The following RSPH10B2 variants were observed in gnomAD, a reference collection of about 807,000 sequenced individuals.
The protein encoded by RSPH10B2 is radial spoke head 10 homolog B2.
Under a neutral mutation model 49.0 loss-of-function variants are expected in RSPH10B2, and 9 were observed. The observed-to-expected ratio is 0.18, with a 90% CI of 0.11 to 0.32. The LOEUF (loss-of-function observed/expected upper bound fraction) is 0.32. Ranked by LOEUF, RSPH10B2 falls within the 10% of genes least tolerant of loss-of-function variation. The pLI, the probability that RSPH10B2 is intolerant of heterozygous loss-of-function variation, is 1.00. For synonymous variants in RSPH10B2, 35 were observed against 210.2 expected (o/e 0.17, Z 7.21); for missense variants, 95 against 589.9 (o/e 0.16, Z 8.69).
At chr7:6,796,531 T>C (rs1475298633) in intron 17 of RSPH10B2, 37 bp from the exon 20 acceptor site, 2 of 930,064 alleles carry the variant, frequency 2.2e-6, no homozygotes, top group African/African-American at 4.4e-5. Context: ...GACAGCAGGA[T>C]TGTATTCATG....
chr7:6,783,730 C>T (rs1187559677), intron 13 of RSPH10B2, among the ~76,000 whole-genome samples: 3 of 151,766 alleles, frequency 2.0e-5, no homozygotes, highest in South Asian at 2.1e-4. Flanking sequence ...GCCTCGGCCT[C>T]CTGAAGTGCT....
intron 4 of RSPH10B2, among the ~76,000 whole-genome samples, chr7:6,764,663 G>T (rs1408862667): frequency 6.6e-6 from 1 of 151,912 alleles, no homozygotes; most frequent in African/African-American, 2.4e-5. Flanking sequence ...GTGCCTGGCC[G>T]TATGCATGCT....
chr7:6,797,260 T>C (rs57028861), intron 18 of RSPH10B2, among the ~76,000 whole-genome samples: 48,995 of 136,862 alleles, frequency 0.36, 8,032 homozygotes, highest in South Asian at 0.51. Context: ...CTGCCAGCCT[T>C]GGCCTCCCAA....
intron 8 of RSPH10B2, among the ~76,000 whole-genome samples, chr7:6,772,042 A>AG (rs2115434335): frequency 7.2e-6 from 1 of 139,250 alleles, no homozygotes; most frequent in East Asian, 2.0e-4. Context: ...AAAAAGAAAT[A>AG]AAATTCATCT....
In RSPH10B2 at chr7:6,796,588, G is replaced by C. The variant is rs376160337; in HGVS notation, c.2254G>C (p.Asp752His). ...TCCAGAGAAATATGAGAGACCCAAG[G>C]ATGATCGAGAGGAAGAGTTCAACAC... The change falls in exon 18 of 19, where the codon GAT becomes CAT. Residue 752 changes from aspartate (D) to histidine (H), a missense_variant. Transcript: ENST00000297186. 2 of 1,208,600 alleles carry C rather than the reference G, an allele frequency of 1.7e-6. 1 individual carries two copies. Among genetic ancestry groups the C allele is most frequent in the African/African-American group, 4.0e-5 (2 of 50,554 alleles). 74.9% of individuals were successfully genotyped at this position (1,208,600 alleles called of 1,614,324 possible).
exon 6 of RSPH10B2, chr7:6,766,817 G>T (rs529158303): frequency 1.9e-6 from 1 of 525,726 alleles, no homozygotes; most frequent in Non-Finnish European, 2.8e-6. Flanking sequence ...ACGGGGAGGG[G>T]AGGATGAGGT....
upstream of RSPH10B2, among the ~76,000 whole-genome samples, chr7:6,756,291 TAAAC>T: frequency 7.7e-6 from 1 of 129,476 alleles, no homozygotes; most frequent in African/African-American, 3.4e-5. Flanking sequence ...AATAAATAAA[TAAAC>T]AAACCCATAG....
chr7:6,766,987 GTC>G lies in RSPH10B2; in HGVS notation c.780+118_780+119del, dbSNP rs573080842. ...GTTTTTGTTTTTGTTTTGAGACAGAGTCTCTCTCTGTCTGTCTCCCAGGCTGG... is the reference window on the plus strand; with the variant it reads ...GTTTTTGTTTTTGTTTTGAGACAGAGTCTCTCTGTCTGTCTCCCAGGCTGG... On this transcript the variant is annotated intron_variant, in intron 6 of 18. Coordinates refer to ENST00000297186, the Ensembl canonical transcript of RSPH10B2. 1.1e-3 allele frequency: 1,179 copies of G among 1,079,606 alleles called. 108 individuals carry two copies. The African/African-American group carries it at 0.018, about 16-fold the overall frequency. The allele number at this position is 1,079,606 out of a possible 1,614,324, so 66.9% of individuals were successfully genotyped here.
At chr7:6,764,607 C>T (rs1180220718) in intron 4 of RSPH10B2, among the ~76,000 whole-genome samples, 6 of 151,212 alleles carry the variant, frequency 4.0e-5, no homozygotes, top group South Asian at 2.1e-4. Context: ...GTGATCCACC[C>T]ACCTCAGCCT....
At position 6,780,405 on chromosome 7, in the gene RSPH10B2, A is replaced by G. The variant is rs1781889331; in HGVS notation, c.1530-404A>G. The stretch of plus-strand genomic sequence containing the variant: ...TTATTTACATATTTATTTTTTTGAG[A>G]TGGAATCTCGCTCTGTCACCCAGGC... On this transcript the variant is annotated intron_variant, in intron 11 of 18. Coordinates refer to ENST00000297186, the Ensembl canonical transcript of RSPH10B2. Among the ~76,000 whole-genome samples the G allele has an allele frequency of 1.7e-5, 2 of 118,062 alleles. 1 individual carries two copies. Among genetic ancestry groups the G allele is most frequent in the Admixed American group, 1.9e-4 (2 of 10,378 alleles). 77.5% of individuals were successfully genotyped at this position (118,062 alleles called of 152,430 possible).
chr7:6,756,140 G>A (rs1346895648), upstream of RSPH10B2, among the ~76,000 whole-genome samples: 8 of 146,510 alleles, frequency 5.5e-5, no homozygotes, highest in Admixed American at 4.0e-4. Flanking sequence ...TGTGGTGGTG[G>A]GTGCCTGTAG....
In RSPH10B2 at chr7:6,769,663, G is replaced by A. The variant is rs1374805433; in HGVS notation, c.957+897G>A. 7.7e-5 allele frequency among the ~76,000 whole-genome samples: 9 copies of A among 116,232 alleles called. 1 individual carries two copies. Among genetic ancestry groups the A allele is most frequent in the Non-Finnish European group, 1.6e-4 (9 of 55,006 alleles). The allele number at this position is 116,232 out of a possible 152,430, so 76.3% of individuals were successfully genotyped here. A position where few individuals can be genotyped will look rare whatever the true frequency, so the allele number is the denominator to read the frequency against. ...GAGTGCAGTGGCATGATCTCAGCTC[G>A]CTGCAACCTCTGCCTCCCGGGCACA... On this transcript the variant is annotated intron_variant, in intron 7 of 18. Transcript: ENST00000297186.
At chr7:6,783,924 C>A (rs2115461355) in intron 13 of RSPH10B2, among the ~76,000 whole-genome samples, 1 of 138,000 alleles carries the variant, frequency 7.2e-6, no homozygotes, top group East Asian at 2.1e-4. Flanking sequence ...GCAACCTCCG[C>A]CTCCCGGGTT....
intron 16 of RSPH10B2, among the ~76,000 whole-genome samples, chr7:6,791,155 C>A (rs1782304823): frequency 7.5e-6 from 1 of 132,836 alleles, no homozygotes; most frequent in African/African-American, 2.9e-5. Flanking sequence ...GCACCCACCC[C>A]CACGCCCGGC....
intron 3 of RSPH10B2, among the ~76,000 whole-genome samples, chr7:6,760,876 CTTTTTTT>C (rs1165641462): frequency 3.1e-5 from 2 of 65,492 alleles, no homozygotes; most frequent in Admixed American, 3.6e-4. Flanking sequence ...TTTATTTTTA[CTTTTTTT>C]TTTTTTTTTT....
upstream of RSPH10B2, among the ~76,000 whole-genome samples, chr7:6,755,937 C>CCA (rs1781044034): frequency 1.1e-5 from 1 of 94,394 alleles, no homozygotes; most frequent in Non-Finnish European, 2.0e-5. Flanking sequence ...GAGAGTCTGT[C>CCA]TAAAAAAAAA....
rs1469717072 is a variant in RSPH10B2, at chr7:6,776,841, C to A, written c.1414+295C>A. On this transcript the variant is annotated intron_variant, in intron 10 of 18. Transcript: ENST00000297186. ...GCAGTGAGCCAAGATTGTGCCATTG[C>A]ACTCCAGCCTGGGTGACAGGGCGAG... 6.3e-5 allele frequency among the ~76,000 whole-genome samples: 7 copies of A among 111,158 alleles called. No individual in the cohort carries two copies. The Admixed American group carries it at 7.1e-4, about 11-fold the overall frequency. The allele number at this position is 111,158 out of a possible 152,430, so 72.9% of individuals were successfully genotyped here. A position where few individuals can be genotyped will look rare whatever the true frequency, so the allele number is the denominator to read the frequency against.
At chr7:6,756,168 G>T (rs1453002054), upstream of RSPH10B2, among the ~76,000 whole-genome samples, 484 of 144,000 alleles carry the variant, frequency 3.4e-3, 6 homozygotes, top group Non-Finnish European at 5.9e-3. Flanking sequence ...TACTCAGGAG[G>T]CTGAGGCAGG....
At chr7:6,791,325 A>G (rs886227477) in intron 16 of RSPH10B2, among the ~76,000 whole-genome samples, 2 of 141,746 alleles carry the variant, frequency 1.4e-5, no homozygotes, top group African/African-American at 2.7e-5. Flanking sequence ...TTATACAATA[A>G]ATACTGTACC....
Sources: allele counts gnomAD v4.1 joint callset (sites outside exome capture counted in the v4.1 genomes callset), GRCh38; gene constraint gnomAD v4.1.1; transcripts MANE v1.5; gene names NCBI Gene and HGNC (gene_info 2026-07-23, HGNC 2026-07-21).